The following BCHE variants were observed in gnomAD, a reference collection of about 807,000 sequenced individuals.
BCHE encodes cholinesterase.
In BCHE, 48 loss-of-function variants were observed where a neutral mutation model predicts 51.3. That is an observed-to-expected ratio of 0.94 (90% CI 0.74 to 1.19). The LOEUF is 1.19. Ranked by LOEUF, BCHE falls within the 50% of genes most tolerant of loss-of-function variation. The probability of loss-of-function intolerance (pLI) is 0.00; values close to 1 mark genes in which losing one functional copy is unlikely to be tolerated. For synonymous variants in BCHE, 251 were observed against 238.0 expected (o/e 1.05, Z -0.50); for missense variants, 847 against 708.2 (o/e 1.20, Z -2.23).
chr3:165,835,230 C>T (rs749602671), intron 1 of BCHE, among the ~76,000 whole-genome samples: 7 of 151,338 alleles, frequency 4.6e-5, no homozygotes, highest in Non-Finnish European at 1.0e-4. Context: ...TTTGAAAGTA[C>T]TATTAATATT....
Position 165,830,930 on chromosome 3 carries a change from G to A in BCHE, c.104C>T (p.Ala35Val), listed in dbSNP as rs1301323421. 1.2e-6 allele frequency: 2 copies of A among 1,613,826 alleles called. No individual in the cohort carries two copies. The highest frequency in any genetic ancestry group is 1.7e-6 in the Non-Finnish European group (2 of 1,179,898). ...KSHTEDDIIIATKNGKVRGMN... is the reference protein window; with the variant it reads ...KSHTEDDIIIVTKNGKVRGMN... ...CCCTCTGACTTTTCCATTCTTTGTT[G>A]CAATTATGATGTCATCTTCAGTATG... Residue 35 changes from alanine to valine, a missense_variant, in exon 2 of 4, where the codon GCA becomes GTA. Physicochemically the swap from Ala to Val is moderately conservative, Grantham distance 64. Transcript: ENST00000264381.
At chr3:165,808,137 C>T (rs1050674533) in intron 2 of BCHE, among the ~76,000 whole-genome samples, 2 of 152,064 alleles carry the variant, frequency 1.3e-5, no homozygotes, top group Admixed American at 6.5e-5. Context: ...GTGCCTGCCA[C>T]CACGCCTGGC....
chr3:165,797,525 C>T (rs986102428), intron 2 of BCHE, among the ~76,000 whole-genome samples: 2 of 151,676 alleles, frequency 1.3e-5, no homozygotes, highest in East Asian at 2.0e-4. Context: ...TGCGATCATA[C>T]GAATCCCAGA....
At chr3:165,778,653 C>T (rs1712565677) in intron 3 of BCHE, 1 of 451,086 alleles carries the variant, frequency 2.2e-6, no homozygotes, top group Non-Finnish European at 4.5e-6. Context: ...CTCCACTTCA[C>T]TGTGAGTAAG....
intron 3 of BCHE, among the ~76,000 whole-genome samples, chr3:165,780,520 G>A (rs1712652980): frequency 1.3e-5 from 2 of 152,058 alleles, no homozygotes; most frequent in Admixed American, 1.3e-4. Flanking sequence ...ATCTGACAAA[G>A]TTCTAATATC....
At chr3:165,794,516 G>T (rs925002094) in intron 2 of BCHE, among the ~76,000 whole-genome samples, 1 of 152,078 alleles carries the variant, frequency 6.6e-6, no homozygotes, top group Non-Finnish European at 1.5e-5. Flanking sequence ...CTTACTTCTT[G>T]GTTCATAGAC....
At chr3:165,798,106 G>A (rs913055166) in intron 2 of BCHE, among the ~76,000 whole-genome samples, 1 of 152,108 alleles carries the variant, frequency 6.6e-6, no homozygotes. Flanking sequence ...TTGTAGACTT[G>A]CATAGAGTCA....
At chr3:165,792,682 C>A (rs1013937430) in intron 2 of BCHE, among the ~76,000 whole-genome samples, 4 of 152,118 alleles carry the variant, frequency 2.6e-5, no homozygotes, top group African/African-American at 4.8e-5. Context: ...AAATCGATTA[C>A]TAAGATAAAA....
intron 2 of BCHE, among the ~76,000 whole-genome samples, chr3:165,811,595 C>T (rs1362464181): frequency 6.6e-6 from 1 of 151,980 alleles, no homozygotes; most frequent in South Asian, 2.1e-4. Context: ...TTGATTTGCT[C>T]TTAGAAAATT....
At chr3:165,788,737 G>A (rs1713058722) in intron 2 of BCHE, among the ~76,000 whole-genome samples, 1 of 152,116 alleles carries the variant, frequency 6.6e-6, no homozygotes, top group Admixed American at 6.6e-5. Flanking sequence ...ACTCGTAGTT[G>A]AGTTCAAGAG....
intron 3 of BCHE, among the ~76,000 whole-genome samples, chr3:165,776,017 A>C (rs1423591727): frequency 2.0e-5 from 3 of 151,930 alleles, no homozygotes; most frequent in Non-Finnish European, 4.4e-5. Flanking sequence ...GTCAATTTTC[A>C]CATTATTATC....
chr3:165,798,297 TTTCTC>T (rs762397699), intron 2 of BCHE, among the ~76,000 whole-genome samples: 4 of 152,096 alleles, frequency 2.6e-5, no homozygotes, highest in Non-Finnish European at 5.9e-5. Context: ...GTAGGTGTAT[TTTCTC>T]TTCTAAACAA....
chr3:165,777,811 A>G (rs1248812275), intron 3 of BCHE: 9 of 452,108 alleles, frequency 2.0e-5, no homozygotes, highest in Admixed American at 9.4e-5. Context: ...CAATGTGAAG[A>G]TGACAAGTAT....
rs1714916252 is a variant in BCHE, at chr3:165,830,337, T to C, written c.697A>G (p.Ser233Gly). The C allele has an allele frequency of 1.2e-6, 2 of 1,614,006 alleles. No homozygotes were observed. The highest frequency in any genetic ancestry group is 1.7e-6 in the Non-Finnish European group (2 of 1,179,946). Residue 233 changes from serine to glycine, a missense_variant, in exon 2 of 4, where the codon AGC (serine) becomes GGC (glycine). Physicochemically the swap from Ser to Gly is moderately conservative, Grantham distance 56 (BLOSUM62 0). Transcript: ENST00000264381. ...FGESAGAASV[S>G]LHLLSPGSHS... ...CTTCCAGGAGAAAGCAAATGCAGGC[T>C]AACTGAAGCTGCTCCTGCACTTTCT...
chr3:165,793,447 G>C (rs1249192210), intron 2 of BCHE, among the ~76,000 whole-genome samples: 1 of 152,052 alleles, frequency 6.6e-6, no homozygotes, highest in Non-Finnish European at 1.5e-5. Context: ...TCATGAGAGG[G>C]TAAGTCTCAT....
chr3:165,813,767 A>T lies in BCHE; in HGVS notation c.1517+15750T>A, dbSNP rs1714198873. Among the ~76,000 whole-genome samples the T allele has an allele frequency of 2.0e-5, 3 of 152,070 alleles. No homozygotes were observed. In the South Asian group the frequency reaches 6.2e-4, roughly 31 times the overall value. On this transcript the variant is annotated intron_variant, in intron 2 of 3. Coordinates refer to ENST00000264381, the MANE Select transcript of BCHE (RefSeq NM_000055.4). ...TAATCATTTATCTGACTCTAATATTATTTATTCTTTATATATAAATGGTCT... is the reference window on the plus strand; with the variant it reads ...TAATCATTTATCTGACTCTAATATTTTTTATTCTTTATATATAAATGGTCT...
Position 165,805,878 on chromosome 3 carries a change from C to T in BCHE, c.1518-19567G>A, listed in dbSNP as rs372380927. ...ACATTCATTGATTTTCCTTTCTTCT[C>T]ACACACTCTCCATATCTACCTGATT... On this transcript the variant is annotated intron_variant, in intron 2 of 3. Coordinates refer to ENST00000264381, the MANE Select transcript of BCHE (RefSeq NM_000055.4). 7.6e-4 allele frequency among the ~76,000 whole-genome samples: 115 copies of T among 152,208 alleles called. 4 individuals carry two copies. In the South Asian group the frequency reaches 0.023, roughly 31 times the overall value.
intron 2 of BCHE, among the ~76,000 whole-genome samples, chr3:165,816,034 G>C (rs1201916730): frequency 6.6e-6 from 1 of 151,874 alleles, no homozygotes; most frequent in African/African-American, 2.4e-5. Context: ...AAAAATCAAT[G>C]AGTAATTCTC....
chr3:165,829,823 C>T lies in BCHE; in HGVS notation c.1211G>A (p.Trp404Ter). ...KESILFHYTD[W>*]VDDQRPENYR... ...GTTTTCAGGTCTCTGATCATCTACC[C>T]AGTCTGTGTAATGAAAAAGGATGGA... The change falls in exon 2 of 4, where the codon TGG (tryptophan) becomes TAG (stop). Residue 404 changes from tryptophan to a stop codon, truncating the protein, a stop_gained. Transcript: ENST00000264381. LOFTEE classifies it high-confidence loss of function. The T allele has an allele frequency of 6.2e-7, 1 of 1,613,776 alleles. No individual in the cohort carries two copies. Among genetic ancestry groups the T allele is most frequent in the Non-Finnish European group, 8.5e-7 (1 of 1,179,834 alleles).
Sources: gnomAD v4.1 joint callset for allele counts (sites outside exome capture counted in the v4.1 genomes callset) on GRCh38, gnomAD v4.1.1 for gene constraint, MANE v1.5 for transcripts, NCBI Gene and HGNC (gene_info 2026-07-23, HGNC 2026-07-21) for gene names.